IGF1R: variants seen among roughly 807,000 people sequenced by gnomAD.
The protein encoded by IGF1R is insulin-like growth factor 1 receptor.
IGF1R carries 44 observed loss-of-function variants against 144.6 expected under a neutral mutation model. That is an observed-to-expected ratio of 0.30 (90% CI 0.24 to 0.39). The LOEUF (loss-of-function observed/expected upper bound fraction) is 0.39, where lower values mean the gene tolerates loss of function less well. Among genes scored for constraint, IGF1R ranks in the 10% least tolerant of loss-of-function variants. The pLI, the probability that IGF1R is intolerant of heterozygous loss-of-function variation, is 1.00. For synonymous variants in IGF1R, 795 were observed against 722.8 expected (o/e 1.10, Z -1.60); for missense variants, 1,355 against 1,833.7 (o/e 0.74, Z 4.77).
At chr15:98,796,783 C>A (rs2056252917) in intron 2 of IGF1R, among the ~76,000 whole-genome samples, 1 of 152,162 alleles carries the variant, frequency 6.6e-6, no homozygotes, top group South Asian at 2.1e-4. Context: ...AGGACAGAAA[C>A]CTTATCTTTT....
At position 98,649,549 on chromosome 15, in the gene IGF1R, T is replaced by TTTTTTA; in HGVS notation, c.-33_-32insTTTTTA. 1.5e-6 allele frequency: 1 copy of TTTTTTA among 651,920 alleles called. No homozygotes were observed. The allele number at this position is 651,920 out of a possible 1,614,324, so 40.4% of individuals were successfully genotyped here. A position where few individuals can be genotyped will look rare whatever the true frequency, so the allele number is the denominator to read the frequency against. On this transcript the variant is annotated 5_prime_UTR_variant, in exon 1 of 21. Transcript: ENST00000650285. ...TCTTTTTTTTTTTTTTTTTTTTTTT[T>TTTTTTA]GAGAAAGGGGAATTTCATCCCAAAT... is the stretch of plus-strand genomic sequence containing the variant.
At chr15:98,886,964 C>G (rs2013672254) in intron 2 of IGF1R, among the ~76,000 whole-genome samples, 1 of 152,208 alleles carries the variant, frequency 6.6e-6, no homozygotes, top group Non-Finnish European at 1.5e-5. Context: ...AACAGAGCAA[C>G]TTTCCTTTTG....
At chr15:98,797,288 G>A (rs780615378) in intron 2 of IGF1R, among the ~76,000 whole-genome samples, 8 of 152,176 alleles carry the variant, frequency 5.3e-5, no homozygotes, top group Non-Finnish European at 8.8e-5. Flanking sequence ...CCCGAGCCCC[G>A]TTTTAGAGCT....
At chr15:98,932,609 G>GC (rs1038199605) in intron 15 of IGF1R, among the ~76,000 whole-genome samples, 3 of 152,200 alleles carry the variant, frequency 2.0e-5, no homozygotes, top group African/African-American at 7.2e-5. Context: ...TTAAAAGCAA[G>GC]CCTGGATTCT....
chr15:98,951,786 ACT>A (rs966379427), intron 20 of IGF1R, among the ~76,000 whole-genome samples: 2 of 152,030 alleles, frequency 1.3e-5, no homozygotes, highest in African/African-American at 4.8e-5. Flanking sequence ...AGTTCGGCAC[ACT>A]CTTTCTCTAA....
chr15:98,848,109 C>T (rs1273383470), intron 2 of IGF1R, among the ~76,000 whole-genome samples: 1 of 152,196 alleles, frequency 6.6e-6, no homozygotes, highest in African/African-American at 2.4e-5. Context: ...TGGAGCTGGA[C>T]AGCAAGTCCT....
At chr15:98,917,720 A>G (rs1311229353) in intron 10 of IGF1R, among the ~76,000 whole-genome samples, 1 of 152,230 alleles carries the variant, frequency 6.6e-6, no homozygotes, top group Non-Finnish European at 1.5e-5. Context: ...CAAGTGAAAC[A>G]AGGCCAGACA....
chr15:98,893,921 A>G (rs73463652), intron 3 of IGF1R, among the ~76,000 whole-genome samples: 1 of 152,118 alleles, frequency 6.6e-6, no homozygotes, highest in African/African-American at 2.4e-5. Flanking sequence ...GAAATATTTA[A>G]TTTTTTCATC....
intron 1 of IGF1R, among the ~76,000 whole-genome samples, chr15:98,705,275 A>G (rs571991490): frequency 1.2e-4 from 18 of 152,306 alleles, no homozygotes; most frequent in African/African-American, 4.3e-4. Context: ...ACACTTCGAC[A>G]GTGTCACTGA....
intron 2 of IGF1R, among the ~76,000 whole-genome samples, chr15:98,723,357 C>T (rs1288727103): frequency 6.6e-6 from 1 of 152,078 alleles, no homozygotes; most frequent in East Asian, 1.9e-4. Context: ...TGATCTTTGG[C>T]CTGGAGAAAT....
At chr15:98,687,646 G>A (rs899150939) in intron 1 of IGF1R, among the ~76,000 whole-genome samples, 19 of 152,152 alleles carry the variant, frequency 1.2e-4, no homozygotes, top group Non-Finnish European at 1.3e-4. Flanking sequence ...GCTAGACCAG[G>A]GTCCAGCCCC....
chr15:98,689,537 CAT>C (rs530785126), intron 1 of IGF1R, among the ~76,000 whole-genome samples: 2 of 130,210 alleles, frequency 1.5e-5, no homozygotes, highest in Non-Finnish European at 3.2e-5. Context: ...AGTTGCACTA[CAT>C]TTTTTTTTTA....
Position 98,649,508 on chromosome 15 carries a change from T to A in IGF1R, c.-74T>A. On this transcript the variant is annotated 5_prime_UTR_variant, in exon 1 of 21. Transcript: ENST00000650285. ...TTGAGACTTGTTTCCTTTCATTTCC[T>A]TTTTTTCTTTTCTTTTCTTTTTTTT... 9.6e-7 allele frequency: 1 copy of A among 1,038,368 alleles called. No homozygotes were observed. Among genetic ancestry groups the A allele is most frequent in the Non-Finnish European group, 1.4e-6 (1 of 700,210 alleles). 64.3% of individuals were successfully genotyped at this position (1,038,368 alleles called of 1,614,324 possible).
chr15:98,698,801 C>A (rs1256719908), intron 1 of IGF1R, among the ~76,000 whole-genome samples: 1 of 152,256 alleles, frequency 6.6e-6, no homozygotes, highest in Admixed American at 6.5e-5. Context: ...TCTGTTTTGA[C>A]ACCACATCCA....
intron 2 of IGF1R, among the ~76,000 whole-genome samples, chr15:98,786,679 A>G (rs1178091257): frequency 6.6e-6 from 1 of 152,202 alleles, no homozygotes; most frequent in East Asian, 1.9e-4. Flanking sequence ...TGGGGGAAGA[A>G]AGTCCAGGTT....
At chr15:98,748,669 T>C (rs979391372) in intron 2 of IGF1R, among the ~76,000 whole-genome samples, 5 of 152,240 alleles carry the variant, frequency 3.3e-5, no homozygotes, top group African/African-American at 9.6e-5. Context: ...CTATGACTTA[T>C]AATATTCACT....
At chr15:98,684,612 A>G (rs1313520956) in intron 1 of IGF1R, among the ~76,000 whole-genome samples, 3 of 152,204 alleles carry the variant, frequency 2.0e-5, no homozygotes, top group Non-Finnish European at 2.9e-5. Context: ...ATACAAACAT[A>G]ACTAAAGCTT....
intron 2 of IGF1R, among the ~76,000 whole-genome samples, chr15:98,864,073 C>T (rs545227575): frequency 1.1e-3 from 171 of 151,848 alleles, no homozygotes; most frequent in Admixed American, 2.4e-3. Context: ...GCTTGGGCAA[C>T]ATAGGGAAAC....
intron 2 of IGF1R, among the ~76,000 whole-genome samples, chr15:98,860,551 C>A (rs983913405): frequency 4.6e-5 from 7 of 152,200 alleles, no homozygotes; most frequent in Non-Finnish European, 2.9e-5. Context: ...TACTTCTTTG[C>A]TTCTTACTCC....
Sources: gnomAD v4.1 joint callset for allele counts (sites outside exome capture counted in the v4.1 genomes callset) on GRCh38, gnomAD v4.1.1 for gene constraint, MANE v1.5 for transcripts, NCBI Gene and HGNC (gene_info 2026-07-23, HGNC 2026-07-21) for gene names.